Variants in EGFLAM observed in about 807,000 individuals in gnomAD.
EGFLAM encodes the protein pikachurin.
EGFLAM carries 79 observed loss-of-function variants against 113.1 expected under a neutral mutation model. The observed-to-expected ratio is 0.70, with a 90% CI of 0.58 to 0.84. The LOEUF is 0.84. Among genes scored for constraint, EGFLAM ranks in the 40% least tolerant of loss-of-function variants. EGFLAM has a pLI of 0.00. For missense variants in EGFLAM, 1,265 were observed against 1,291.6 expected (o/e 0.98, Z 0.32); for synonymous variants, 504 against 487.6 (o/e 1.03, Z -0.44).
At chr5:38,359,032 C>G (rs1739849587) in intron 5 of EGFLAM, among the ~76,000 whole-genome samples, 1 of 152,166 alleles carries the variant, frequency 6.6e-6, no homozygotes, top group East Asian at 1.9e-4. Flanking sequence ...ATAAATATAG[C>G]TACCTATGTT....
intron 6 of EGFLAM, among the ~76,000 whole-genome samples, chr5:38,381,415 A>C (rs1410803805): frequency 2.0e-5 from 3 of 152,230 alleles, no homozygotes; most frequent in South Asian, 2.1e-4. Flanking sequence ...ATCTCATCTG[A>C]TAATGCAACC....
chr5:38,376,969 C>T (rs1192668879), intron 6 of EGFLAM, among the ~76,000 whole-genome samples: 1 of 152,108 alleles, frequency 6.6e-6, no homozygotes, highest in Non-Finnish European at 1.5e-5. Context: ...TGTGCTCGAC[C>T]CCAGGCTTCT....
chr5:38,379,358 T>C (rs7448255), intron 6 of EGFLAM, among the ~76,000 whole-genome samples: 16,420 of 151,508 alleles, frequency 0.11, 955 homozygotes, highest in Middle Eastern at 0.15. Flanking sequence ...TAGAAGCTTA[T>C]AGACAGGGGA....
At chr5:38,409,977 ACTGG>A (rs1325097361) in intron 10 of EGFLAM, among the ~76,000 whole-genome samples, 5 of 152,148 alleles carry the variant, frequency 3.3e-5, no homozygotes, top group African/African-American at 1.2e-4. Flanking sequence ...TCCGTGGCGC[ACTGG>A]CTGACATCCT....
intron 1 of EGFLAM, chr5:38,305,547 A>G: frequency 2.3e-6 from 1 of 427,964 alleles, no homozygotes; most frequent in Non-Finnish European, 4.7e-6. Context: ...CCCCAGAATA[A>G]TAGTGGGAAG....
At position 38,451,326 on chromosome 5, in the gene EGFLAM, C is replaced by T. The variant is rs1742905314; in HGVS notation, c.2555C>T (p.Ser852Leu). 1 of 1,613,338 alleles carries T rather than the reference C, an allele frequency of 6.2e-7. No homozygotes were observed. The highest frequency in any genetic ancestry group is 1.3e-5 in the African/African-American group (1 of 74,900). The change falls in exon 19 of 22, where the codon TCA becomes TTA. Residue 852 changes from serine to leucine, a missense_variant. Coordinates refer to ENST00000322350, the MANE Select transcript of EGFLAM (RefSeq NM_152403.4). ...TGTATTTCCTCCAGGGTGTCAGGAT[C>T]AAGATCAAATGTGTTCATGAGGTTT... ...NPDILKRVSG[S>L]RSNVFMRFKT...
Position 38,435,269 on chromosome 5 carries a change from C to T in EGFLAM, c.2283+16C>T. 1 of 1,593,756 alleles carries T rather than the reference C, an allele frequency of 6.3e-7. No individual in the cohort carries two copies. Among genetic ancestry groups the T allele is most frequent in the Non-Finnish European group, 8.6e-7 (1 of 1,161,688 alleles). On this transcript the variant is annotated intron_variant, in intron 16 of 21. Transcript: ENST00000322350. ...CATCCAGAAGGTACAGGCATCTCTTCCTCATGTTTACTGGGCCACCCAGAC... is the reference window on the plus strand; with the variant it reads ...CATCCAGAAGGTACAGGCATCTCTTTCTCATGTTTACTGGGCCACCCAGAC...
At chr5:38,320,475 G>T (rs1024894634) in intron 1 of EGFLAM, among the ~76,000 whole-genome samples, 2 of 152,170 alleles carry the variant, frequency 1.3e-5, no homozygotes, top group Non-Finnish European at 2.9e-5. Context: ...ATCTTGTTCA[G>T]ATGCTTTTGT....
chr5:38,300,439 A>G (rs924519034), intron 1 of EGFLAM, among the ~76,000 whole-genome samples: 3 of 150,292 alleles, frequency 2.0e-5, no homozygotes, highest in African/African-American at 7.4e-5. Context: ...GCAGTGACGC[A>G]ATCTCGGCTA....
At chr5:38,366,404 A>G (rs1483673513) in intron 5 of EGFLAM, among the ~76,000 whole-genome samples, 1 of 151,994 alleles carries the variant, frequency 6.6e-6, no homozygotes, top group Non-Finnish European at 1.5e-5. Context: ...TAGGTTATAA[A>G]CTCCCTGAAA....
chr5:38,385,443 G>A (rs1016156699), intron 6 of EGFLAM, among the ~76,000 whole-genome samples: 20 of 152,104 alleles, frequency 1.3e-4, no homozygotes, highest in Non-Finnish European at 2.6e-4. Context: ...CAATGCAAAT[G>A]CTATGTAAAT....
Position 38,464,972 on chromosome 5 carries a change from G to T in EGFLAM, c.*986G>T, listed in dbSNP as rs188548826. The T allele has an allele frequency of 6.6e-6, 1 of 152,126 alleles. No individual in the cohort carries two copies. The highest frequency in any genetic ancestry group is 1.5e-5 in the Non-Finnish European group (1 of 68,026). The allele number at this position is 152,126 out of a possible 1,614,324, so 9.4% of individuals were successfully genotyped here. A position where few individuals can be genotyped will look rare whatever the true frequency, so the allele number is the denominator to read the frequency against. On this transcript the variant is annotated 3_prime_UTR_variant, in exon 22 of 22. Transcript: ENST00000322350. ...ACTGTCATTTTTGTTTTAAGAGTTGGGGGGAGTATCTATAGTAAACTTGAA... is the reference window on the plus strand; with the variant it reads ...ACTGTCATTTTTGTTTTAAGAGTTGTGGGGAGTATCTATAGTAAACTTGAA...
At chr5:38,389,613 C>T (rs952359466) in intron 6 of EGFLAM, among the ~76,000 whole-genome samples, 1 of 152,114 alleles carries the variant, frequency 6.6e-6, no homozygotes, top group African/African-American at 2.4e-5. Context: ...AAACATTAGT[C>T]CTTCCAAACT....
intron 3 of EGFLAM, among the ~76,000 whole-genome samples, chr5:38,342,231 G>A (rs1739356389): frequency 6.6e-6 from 1 of 152,170 alleles, no homozygotes; most frequent in Non-Finnish European, 1.5e-5. Context: ...GTAGGGTTAA[G>A]GGGAACCTCT....
chr5:38,373,190 G>A (rs1740268706), intron 6 of EGFLAM, among the ~76,000 whole-genome samples: 1 of 151,934 alleles, frequency 6.6e-6, no homozygotes, highest in Non-Finnish European at 1.5e-5. Flanking sequence ...CACTGTGCTG[G>A]AGGAATAGTG....
At chr5:38,367,859 A>G (rs1205845189) in intron 5 of EGFLAM, among the ~76,000 whole-genome samples, 1 of 152,210 alleles carries the variant, frequency 6.6e-6, no homozygotes, top group African/African-American at 2.4e-5. Flanking sequence ...CAAAATGTTA[A>G]AGGTTTTGAA....
At chr5:38,393,992 A>T (rs1047952350) in intron 6 of EGFLAM, among the ~76,000 whole-genome samples, 1 of 152,114 alleles carries the variant, frequency 6.6e-6, no homozygotes, top group African/African-American at 2.4e-5. Flanking sequence ...TGGAAAGGAG[A>T]TGGGAAGGTG....
intron 6 of EGFLAM, chr5:38,401,922 G>C (rs1365047850): frequency 6.6e-6 from 1 of 152,206 alleles, no homozygotes; most frequent in Non-Finnish European, 1.5e-5. Context: ...GAAGATGAAG[G>C]AATGTCCTAC....
chr5:38,402,124 A>T (rs1741134086), intron 6 of EGFLAM: 1 of 152,258 alleles, frequency 6.6e-6, no homozygotes, highest in Admixed American at 6.5e-5. Context: ...TGACAATGGG[A>T]AAAAGCATTA....
Sources: gnomAD v4.1 joint callset for allele counts (sites outside exome capture counted in the v4.1 genomes callset) on GRCh38, gnomAD v4.1.1 for gene constraint, MANE v1.5 for transcripts, NCBI Gene and HGNC (gene_info 2026-07-23, HGNC 2026-07-21) for gene names.